The following NAV1 variants were observed in gnomAD, a reference collection of about 807,000 sequenced individuals.
NAV1 encodes the protein neuron navigator 1.
Under a neutral mutation model 175.2 loss-of-function variants are expected in NAV1, and 18 were observed. That is an observed-to-expected ratio of 0.10 (90% confidence interval 0.07 to 0.15). NAV1 has a LOEUF of 0.15. Ranked by LOEUF, NAV1 falls within the 10% of genes least tolerant of loss-of-function variation. The pLI is 1.00. For missense variants in NAV1, 1,731 were observed against 2,436.6 expected (o/e 0.71, Z 6.10); for synonymous variants, 897 against 978.7 (o/e 0.92, Z 1.56).
intron 1 of NAV1, among the ~76,000 whole-genome samples, chr1:201,709,495 ACAGGTAAGTC>A: frequency 6.6e-6 from 1 of 152,246 alleles, no homozygotes; most frequent in South Asian, 2.1e-4. Context: ...TCTTTTGTAC[ACAGGTAAGTC>A]CTCTTGGCCT....
At chr1:201,564,900 G>T (rs1362185185) in intron 1 of NAV1, among the ~76,000 whole-genome samples, 1 of 152,190 alleles carries the variant, frequency 6.6e-6, no homozygotes, top group African/African-American at 2.4e-5. Context: ...CAGCAGGTCA[G>T]GTCCTTCTCA....
chr1:201,659,010 C>A (rs558462020), intron 1 of NAV1, among the ~76,000 whole-genome samples: 1 of 152,140 alleles, frequency 6.6e-6, no homozygotes, highest in Non-Finnish European at 1.5e-5. Flanking sequence ...TTGATTAGGC[C>A]CTACTGTGTG....
intron 3 of NAV1, chr1:201,723,717 G>A (rs1381965552): frequency 6.6e-6 from 1 of 152,204 alleles, no homozygotes; most frequent in Non-Finnish European, 1.5e-5. Flanking sequence ...CAGTATCCCT[G>A]ACAGACAGTC....
chr1:201,711,077 A>G (rs1671884506), intron 1 of NAV1, among the ~76,000 whole-genome samples: 1 of 152,244 alleles, frequency 6.6e-6, no homozygotes, highest in African/African-American at 2.4e-5. Context: ...CAAGCCATCA[A>G]TTAAAGCCAT....
intron 13 of NAV1, chr1:201,790,980 C>G: frequency 1.8e-6 from 1 of 570,192 alleles, no homozygotes; most frequent in Non-Finnish European, 3.1e-6. Flanking sequence ...TGCTTCTACT[C>G]TAATTAATAG....
chr1:201,819,050 A>C (rs1027875503), intron 29 of NAV1, among the ~76,000 whole-genome samples: 2 of 152,230 alleles, frequency 1.3e-5, no homozygotes, highest in Non-Finnish European at 2.9e-5. Flanking sequence ...AAGTGAGTAC[A>C]TAGAGGTATT....
In NAV1 at chr1:201,811,012, G is replaced by C. The variant is rs115501426; in HGVS notation, c.4797+254G>C. ...ACTTTCCCTTGCCTTTATGGAGAAA[G>C]GCTTTCCTCTCCACACTTTTCCTTG... On this transcript the variant is annotated intron_variant, in intron 24 of 29. Coordinates refer to ENST00000367296, the Ensembl canonical transcript of NAV1. 7.9e-3 allele frequency among the ~76,000 whole-genome samples: 1,199 copies of C among 152,072 alleles called. 13 individuals are homozygous for C. Among genetic ancestry groups the C allele is most frequent in the Non-Finnish European group, 0.014 (925 of 67,980 alleles).
intron 29 of NAV1, 105 bp downstream of exon 33, chr1:201,817,390 G>A: frequency 4.7e-6 from 5 of 1,072,350 alleles, no homozygotes; most frequent in Non-Finnish European, 6.6e-6. Context: ...AGAGGCTGAG[G>A]TGGGAGGATT....
At chr1:201,664,977 G>A (rs1194839078) in intron 1 of NAV1, among the ~76,000 whole-genome samples, 3 of 152,284 alleles carry the variant, frequency 2.0e-5, no homozygotes, top group Middle Eastern at 6.8e-3. Context: ...TGTGTGCCAA[G>A]CTTGTTCTCA....
At chr1:201,725,843 A>G (rs239971) in intron 3 of NAV1, among the ~76,000 whole-genome samples, 47,142 of 152,006 alleles carry the variant, frequency 0.31, 8,067 homozygotes, top group Non-Finnish European at 0.39. Context: ...CTGTGGTCCC[A>G]GCTACTCAGG....
rs1679075706 is a variant in NAV1 at position 201,816,931 on chromosome 1, C to T, written c.5341-157C>T. The T allele has an allele frequency of 4.7e-6, 3 of 640,836 alleles. No homozygotes were observed. The South Asian group carries it at 5.9e-5, about 13-fold the overall frequency. The allele number at this position is 640,836 out of a possible 1,614,324, so 39.7% of individuals were successfully genotyped here. A position where few individuals can be genotyped will look rare whatever the true frequency, so the allele number is the denominator to read the frequency against. On this transcript the variant is annotated intron_variant, in intron 28 of 29. Coordinates refer to ENST00000367296, the Ensembl canonical transcript of NAV1. ...TCAAGTGATCTTCCTGTCTTGGCCT[C>T]CCTAAATGCTGGGATTACAGGCATG...
At position 201,788,160 on chromosome 1, in the gene NAV1, G is replaced by A. The variant is rs1255120892; in HGVS notation, c.2996-308G>A. On this transcript the variant is annotated intron_variant, in intron 9 of 29. Coordinates refer to ENST00000367296, the Ensembl canonical transcript of NAV1. The surrounding 1 kb of genome is among the most constrained non-coding windows in gnomAD (Gnocchi z 5.7). ...GTGATGTGAAGGTCTCAGAAAAGCT[G>A]CCAGGCCCCCAGCCTAACCTTCAAA... Among the ~76,000 whole-genome samples, 1 of 152,132 alleles carries A rather than the reference G, an allele frequency of 6.6e-6. No individual in the cohort carries two copies. Among genetic ancestry groups the A allele is most frequent in the African/African-American group, 2.4e-5 (1 of 41,418 alleles).
chr1:201,740,028 T>G lies in NAV1; in HGVS notation c.1226+21273T>G. ...TGGCCGCCTGAGCCGGGGAAGATGC[T>G]TCATCTGCCCCTGCCCAGATCCGGA... On this transcript the variant is annotated intron_variant, in intron 3 of 29. Transcript: ENST00000367296. The surrounding 1 kb of genome is among the most constrained non-coding windows in gnomAD (Gnocchi z 4.7). 4 of 1,489,416 alleles carry G rather than the reference T, an allele frequency of 2.7e-6. No individual in the cohort carries two copies. Among genetic ancestry groups the G allele is most frequent in the Non-Finnish European group, 3.6e-6 (4 of 1,116,398 alleles). The allele number at this position is 1,489,416 out of a possible 1,614,324, so 92.3% of individuals were successfully genotyped here. A position where few individuals can be genotyped will look rare whatever the true frequency, so the allele number is the denominator to read the frequency against.
At chr1:201,675,200 G>A (rs925398955) in intron 1 of NAV1, among the ~76,000 whole-genome samples, 11 of 152,240 alleles carry the variant, frequency 7.2e-5, no homozygotes, top group African/African-American at 2.4e-4. Flanking sequence ...GTACCAATCT[G>A]TCCACCACCA....
chr1:201,583,781 G>T (rs730430), intron 1 of NAV1, among the ~76,000 whole-genome samples: 12,205 of 152,208 alleles, frequency 0.08, 652 homozygotes, highest in East Asian at 0.23. Context: ...TGCTTCCACT[G>T]GTCAAAACTC....
chr1:201,675,308 T>TA (rs1670203870), intron 1 of NAV1, among the ~76,000 whole-genome samples: 1 of 152,178 alleles, frequency 6.6e-6, no homozygotes, highest in African/African-American at 2.4e-5. Context: ...GCCACAAAGT[T>TA]AATGTCCTAC....
upstream of NAV1, among the ~76,000 whole-genome samples, chr1:201,643,292 C>T (rs1306998394): frequency 1.4e-5 from 2 of 145,226 alleles, no homozygotes; most frequent in Admixed American, 1.4e-4. Context: ...TCTTTCTTCC[C>T]TTCCTTCTCT....
At chr1:201,658,782 C>T (rs1669502523) in intron 1 of NAV1, among the ~76,000 whole-genome samples, 1 of 152,218 alleles carries the variant, frequency 6.6e-6, no homozygotes, top group African/African-American at 2.4e-5. Flanking sequence ...TCAAGTTTCA[C>T]ATCTGTCTGC....
At chr1:201,585,155 G>C (rs1666987125) in intron 1 of NAV1, among the ~76,000 whole-genome samples, 1 of 152,244 alleles carries the variant, frequency 6.6e-6, no homozygotes, top group Admixed American at 6.5e-5. Flanking sequence ...CCTGAAGTCA[G>C]GCACTGGGCT....
Sources: allele counts gnomAD v4.1 joint callset (sites outside exome capture counted in the v4.1 genomes callset), GRCh38; gene constraint gnomAD v4.1.1; non-coding constraint Gnocchi (gnomAD v3.1); transcripts MANE v1.5; gene names NCBI Gene and HGNC (gene_info 2026-07-23, HGNC 2026-07-21).